Variants in SLC15A2 observed in about 807,000 individuals in gnomAD.
SLC15A2 encodes solute carrier family 15 member 2.
SLC15A2 carries 77 observed loss-of-function variants against 95.5 expected under a neutral mutation model. That is an observed-to-expected ratio of 0.81 (90% CI 0.67 to 0.97). The LOEUF (loss-of-function observed/expected upper bound fraction) is 0.97, where lower values mean the gene tolerates loss of function less well. SLC15A2 is among the 50% of genes least tolerant of loss of function. The pLI is 0.00. For synonymous variants in SLC15A2, 306 were observed against 306.9 expected (o/e 1.00, Z 0.03); for missense variants, 893 against 874.4 (o/e 1.02, Z -0.27).
intron 3 of SLC15A2, among the ~76,000 whole-genome samples, chr3:121,898,425 G>A (rs983873188): frequency 6.6e-6 from 1 of 152,050 alleles, no homozygotes; most frequent in African/African-American, 2.4e-5. Flanking sequence ...GATATAACAT[G>A]GTATAATGTT....
At chr3:121,922,440 A>T (rs1710025182) in intron 8 of SLC15A2, 138 bp downstream of exon 8, 1 of 661,958 alleles carries the variant, frequency 1.5e-6, no homozygotes, top group African/African-American at 1.8e-5. Context: ...ACAAGCTAAG[A>T]TTAACCAGTC....
intron 3 of SLC15A2, among the ~76,000 whole-genome samples, chr3:121,902,529 GC>G (rs1293016922): frequency 6.6e-6 from 1 of 151,950 alleles, no homozygotes; most frequent in African/African-American, 2.4e-5. Flanking sequence ...CCCATGACAG[GC>G]CCCCATGTGT....
In SLC15A2 at chr3:121,908,953, G is replaced by T. The variant is rs532180295; in HGVS notation, c.336-2621G>T. On this transcript the variant is annotated intron_variant, in intron 3 of 21. Transcript: ENST00000489711. ...TTTGGGAGGCTGAGGCAGGAGGATTGCTTGAGGCCAGGAGTTTGAGACCAG... is the reference window on the plus strand; with the variant it reads ...TTTGGGAGGCTGAGGCAGGAGGATTTCTTGAGGCCAGGAGTTTGAGACCAG... Among the ~76,000 whole-genome samples, 6 of 152,154 alleles carry T rather than the reference G, an allele frequency of 3.9e-5. No homozygotes were observed. In the East Asian group the frequency reaches 1.2e-3, roughly 29 times the overall value.
chr3:121,899,674 G>A (rs775288304), intron 3 of SLC15A2, among the ~76,000 whole-genome samples: 6 of 152,088 alleles, frequency 3.9e-5, no homozygotes, highest in Non-Finnish European at 7.4e-5. Context: ...TTCAATAAAT[G>A]TTTATTGAGC....
At position 121,943,245 on chromosome 3, in the gene SLC15A2, G is replaced by A. The variant is rs984092105; in HGVS notation, c.*2238G>A. On this transcript the variant is annotated 3_prime_UTR_variant, in exon 22 of 22. Transcript: ENST00000489711. ...CACGCCATCACACTCTAGCCTGGGGGACAAGAGTGAGACTTCATCTAAAAA... is the reference window on the plus strand; with the variant it reads ...CACGCCATCACACTCTAGCCTGGGGAACAAGAGTGAGACTTCATCTAAAAA... 1 of 151,954 alleles carries A rather than the reference G, an allele frequency of 6.6e-6. No homozygotes were observed. The highest frequency in any genetic ancestry group is 1.5e-5 in the Non-Finnish European group (1 of 68,000). 9.4% of individuals were successfully genotyped at this position (151,954 alleles called of 1,614,324 possible).
At chr3:121,938,449 T>C (rs368070487) in intron 19 of SLC15A2, among the ~76,000 whole-genome samples, 3,914 of 152,260 alleles carry the variant, frequency 0.026, 149 homozygotes, top group African/African-American at 0.089. Context: ...CAGCCAGGTG[T>C]GGGATATAAT....
chr3:121,901,921 A>G (rs1709528351), intron 3 of SLC15A2, among the ~76,000 whole-genome samples: 1 of 152,136 alleles, frequency 6.6e-6, no homozygotes, highest in East Asian at 1.9e-4. Flanking sequence ...CTTCTCTAAC[A>G]TTAGAAAGAT....
At chr3:121,926,018 T>G (rs530257322) in intron 13 of SLC15A2, among the ~76,000 whole-genome samples, 1 of 151,852 alleles carries the variant, frequency 6.6e-6, no homozygotes, top group South Asian at 2.1e-4. Context: ...TAAGCAAAGA[T>G]GGAGGTGGGT....
chr3:121,918,925 A>T (rs976969743), intron 7 of SLC15A2, among the ~76,000 whole-genome samples: 1 of 152,218 alleles, frequency 6.6e-6, no homozygotes, highest in Non-Finnish European at 1.5e-5. Flanking sequence ...CTCTGTGGCC[A>T]CTACCGCCTC....
At chr3:121,922,336 A>G (rs372785128) in intron 8 of SLC15A2, 34 bp downstream of exon 8, 55 of 1,563,870 alleles carry the variant, frequency 3.5e-5, no homozygotes, top group Non-Finnish European at 4.4e-5. Flanking sequence ...GCCTTTTTCA[A>G]TCAAAAGAAA....
At chr3:121,918,332 T>C (rs1709935900) in intron 7 of SLC15A2, among the ~76,000 whole-genome samples, 1 of 152,172 alleles carries the variant, frequency 6.6e-6, no homozygotes, top group South Asian at 2.1e-4. Context: ...TTAACTGAGC[T>C]AGTGAGGAAA....
intron 18 of SLC15A2, 139 bp from the exon 19 acceptor site, chr3:121,931,500 A>G: frequency 1.8e-6 from 1 of 569,118 alleles, no homozygotes. Context: ...TACTCCAAGA[A>G]ACATTTCTCT....
chr3:121,940,506 G>A lies in SLC15A2; in HGVS notation c.2013+18G>A, dbSNP rs1320959602. On this transcript the variant is annotated intron_variant, in intron 21 of 21. Transcript: ENST00000489711. ...TGGTACAGGTATGGATCTGAGGGAA[G>A]CAGGATTCATTTCTACTCAAGTTTT... The A allele has an allele frequency of 1.3e-6, 2 of 1,585,176 alleles. No individual in the cohort carries two copies. Among genetic ancestry groups the A allele is most frequent in the East Asian group, 2.2e-5 (1 of 44,526 alleles).
chr3:121,922,902 T>C (rs1350980691), intron 9 of SLC15A2, 41 bp downstream of exon 9: 2 of 1,574,904 alleles, frequency 1.3e-6, no homozygotes, highest in Non-Finnish European at 8.7e-7. Context: ...CTTGATAGAG[T>C]CTTTCCTAAT....
intron 19 of SLC15A2, among the ~76,000 whole-genome samples, chr3:121,935,609 T>A (rs955306141): frequency 1.3e-5 from 2 of 152,222 alleles, no homozygotes; most frequent in Non-Finnish European, 2.9e-5. Flanking sequence ...TTGGTGGTGA[T>A]ATCTCCTTTA....
chr3:121,927,902 G>A lies in SLC15A2; in HGVS notation c.1206+63G>A, dbSNP rs1208568397. 3 of 1,275,996 alleles carry A rather than the reference G, an allele frequency of 2.4e-6. No homozygotes were observed. The East Asian group carries it at 7.0e-5, about 30-fold the overall frequency. The allele number at this position is 1,275,996 out of a possible 1,614,324, so 79.0% of individuals were successfully genotyped here. A position where few individuals can be genotyped will look rare whatever the true frequency, so the allele number is the denominator to read the frequency against. ...TCATATCTTTCTTATTTGCTCTTTT[G>A]ACTTGTTCAGTCATGATTCCCTGGG... On this transcript the variant is annotated intron_variant, in intron 14 of 21. Coordinates refer to ENST00000489711, the MANE Select transcript of SLC15A2 (RefSeq NM_021082.4).
In SLC15A2 at chr3:121,906,670, A is replaced by C. The variant is rs536577056; in HGVS notation, c.336-4904A>C. ...TGGGTTGAAAATTCTTTTCTTTAAG[A>C]ATGTTGAATATTGGCCCCCACTCTC... On this transcript the variant is annotated intron_variant, in intron 3 of 21. Coordinates refer to ENST00000489711, the MANE Select transcript of SLC15A2 (RefSeq NM_021082.4). Among the ~76,000 whole-genome samples the C allele has an allele frequency of 6.6e-5, 10 of 152,312 alleles. No homozygotes were observed. The South Asian group carries it at 1.2e-3, about 19-fold the overall frequency.
chr3:121,932,076 G>A (rs1710245040), intron 19 of SLC15A2, among the ~76,000 whole-genome samples: 3 of 152,104 alleles, frequency 2.0e-5, no homozygotes, highest in East Asian at 1.9e-4. Context: ...GCTAATTTTT[G>A]TATTTTTAGT....
Position 121,922,803 on chromosome 3 carries a change from G to T in SLC15A2, c.809G>T (p.Arg270Leu), listed in dbSNP as rs376349271. 3.1e-6 allele frequency: 5 copies of T among 1,613,768 alleles called. No individual in the cohort carries two copies. In the South Asian group the frequency reaches 4.4e-5, roughly 14 times the overall value. The change falls in exon 9 of 22, where the codon CGT becomes CTT. Residue 270 changes from arginine (R) to leucine (L), a missense_variant. By Grantham distance (102) the Arg-to-Leu change is moderately radical. Transcript: ENST00000489711. ...WFAISNRFKN[R>L]SGDIPKRQHW... is the part of the protein sequence containing the mutation. ...GCTATTTCCAATCGTTTCAAGAACC[G>T]TTCTGGAGACATTCCAAAGCGACAG...
Sources: gnomAD v4.1 joint callset for allele counts (sites outside exome capture counted in the v4.1 genomes callset) on GRCh38, gnomAD v4.1.1 for gene constraint, MANE v1.5 for transcripts, NCBI Gene and HGNC (gene_info 2026-07-23, HGNC 2026-07-21) for gene names.